DAPK3: variants seen among roughly 807,000 people sequenced by gnomAD.
DAPK3 encodes the protein death-associated protein kinase 3.
Under a neutral mutation model 30.6 loss-of-function variants are expected in DAPK3, and 24 were observed. That is an observed-to-expected ratio of 0.78 (90% CI 0.57 to 1.10). The LOEUF is 1.10. Among genes scored for constraint, DAPK3 ranks in the 50% least tolerant of loss-of-function variants. DAPK3 has a pLI of 0.00. For missense variants in DAPK3, 629 were observed against 657.3 expected, an observed-to-expected ratio of 0.96 and a Z score of 0.47; for synonymous variants, 341 against 284.0, an observed-to-expected ratio of 1.20 and a Z score of -2.02.
At chr19:3,964,130 G>A (rs2145335474) in intron 4 of DAPK3, 114 bp downstream of exon 4, 2 of 999,310 alleles carry the variant, frequency 2.0e-6, no homozygotes, top group African/African-American at 3.2e-5. Flanking sequence ...CAAGAGGGGT[G>A]GCTTCAGGGC....
Position 3,961,705 on chromosome 19 carries a change from G to A in DAPK3, c.630-544C>T, listed in dbSNP as rs574072687. 37 of 354,532 alleles carry A rather than the reference G, an allele frequency of 1.0e-4. No individual in the cohort carries two copies. In the East Asian group the frequency reaches 1.6e-3, roughly 15 times the overall value. The allele number at this position is 354,532 out of a possible 1,614,324, so 22.0% of individuals were successfully genotyped here. A position where few individuals can be genotyped will look rare whatever the true frequency, so the allele number is the denominator to read the frequency against. On this transcript the variant is annotated intron_variant, in intron 6 of 8. Coordinates refer to ENST00000545797, the MANE Select transcript of DAPK3 (RefSeq NM_001348.3). ...ACGCCTTCTGCAAAACACCTGACCC[G>A]TGAGCACAAGTCAGGGTCAAGGTCA...
chr19:3,960,874 A>G, intron 7 of DAPK3, 135 bp downstream of exon 7: 1 of 830,852 alleles, frequency 1.2e-6, no homozygotes, highest in African/African-American at 1.7e-5. Flanking sequence ...TACTCTCTCC[A>G]GCCCAAGGGG....
chr19:3,960,048 T>G lies in DAPK3; in HGVS notation c.828+11A>C, dbSNP rs1380209357. The stretch of plus-strand genomic sequence containing the variant: ...GGGAAGCCCAGGGAGCTCCCCCACC[T>G]CCCCACTTACCTTAATCCAGGAATG... On this transcript the variant is annotated intron_variant, in intron 8 of 8. Coordinates refer to ENST00000545797, the MANE Select transcript of DAPK3 (RefSeq NM_001348.3). 6.8e-7 allele frequency: 1 copy of G among 1,477,516 alleles called. No individual in the cohort carries two copies. The highest frequency in any genetic ancestry group is 9.5e-7 in the Non-Finnish European group (1 of 1,056,406). The allele number at this position is 1,477,516 out of a possible 1,614,324, so 91.5% of individuals were successfully genotyped here.
chr19:3,962,001 G>A (rs2039521972), intron 6 of DAPK3, among the ~76,000 whole-genome samples: 1 of 152,186 alleles, frequency 6.6e-6, no homozygotes, highest in Non-Finnish European at 1.5e-5. Context: ...TGGGACTACA[G>A]GCACCCGCTG....
intron 7 of DAPK3, 141 bp downstream of exon 7, chr19:3,960,868 C>A: frequency 3.0e-6 from 2 of 675,156 alleles, no homozygotes; most frequent in Non-Finnish European, 4.7e-6. Context: ...TCAGTTTACT[C>A]TCTCCAGCCC....
At chr19:3,969,425 C>A (rs746198334) in intron 2 of DAPK3, among the ~76,000 whole-genome samples, 43 of 152,138 alleles carry the variant, frequency 2.8e-4, no homozygotes, top group Non-Finnish European at 4.0e-4. Context: ...ATGCCAGGCA[C>A]GGTCTTGGCT....
intron 8 of DAPK3, 131 bp downstream of exon 8, chr19:3,959,928 C>T: frequency 2.7e-6 from 2 of 737,500 alleles, no homozygotes; most frequent in Non-Finnish European, 2.4e-6. Flanking sequence ...CACAGGCTCA[C>T]TCCTCTGGGG....
rs756397002 is a variant in DAPK3 at position 3,959,200 on chromosome 19, C to G, written c.1266G>C (p.Ala422=). 1.3e-6 allele frequency: 2 copies of G among 1,598,868 alleles called. No individual in the cohort carries two copies. Among genetic ancestry groups the G allele is most frequent in the Non-Finnish European group, 1.7e-6 (2 of 1,177,186 alleles). Residue 422 remains alanine, a synonymous_variant, in exon 9 of 9, where the codon GCG becomes GCC. Coordinates refer to ENST00000545797, the MANE Select transcript of DAPK3 (RefSeq NM_001348.3). ...TCTCGGAGGCTACTTGCTTGGCCAG[C>G]GCCTCGTAGCGGTTCTCCAGGCGGC... The part of the protein sequence containing the change: ...RFSRLENRYE[A]LAKQVASEMR...
intron 2 of DAPK3, 24 bp from the exon 3 acceptor site, chr19:3,965,015 TGGGGGTGGA>T: frequency 7.3e-7 from 1 of 1,367,538 alleles, no homozygotes; most frequent in Non-Finnish European, 1.0e-6. Flanking sequence ...AGGGAGTGAG[TGGGGGTGGA>T]GGAGGCGGAG....
In DAPK3 at chr19:3,958,979, C is replaced by A. The variant is rs2039470165; in HGVS notation, c.*122G>T. 1.5e-6 allele frequency: 1 copy of A among 664,272 alleles called. No homozygotes were observed. Among genetic ancestry groups the A allele is most frequent in the Non-Finnish European group, 2.5e-6 (1 of 403,734 alleles). 41.1% of individuals were successfully genotyped at this position (664,272 alleles called of 1,614,324 possible). A position where few individuals can be genotyped will look rare whatever the true frequency, so the allele number is the denominator to read the frequency against. Reference sequence around the variant, plus strand: ...GGCTCCAGCTCCTCCCACTCCGCCTCCAGCCTGGTGGCGCTGGGCAAGGAC... The same window carrying A: ...GGCTCCAGCTCCTCCCACTCCGCCTACAGCCTGGTGGCGCTGGGCAAGGAC... On this transcript the variant is annotated 3_prime_UTR_variant, in exon 9 of 9. Coordinates refer to ENST00000545797, the MANE Select transcript of DAPK3 (RefSeq NM_001348.3).
chr19:3,959,282 G>C lies in DAPK3; in HGVS notation c.1184C>G (p.Ala395Gly), dbSNP rs1398529210. The C allele has an allele frequency of 1.9e-6, 3 of 1,596,856 alleles. No homozygotes were observed. The highest frequency in any genetic ancestry group is 1.7e-5 in the Admixed American group (1 of 59,606). The change falls in exon 9 of 9, where the codon GCG becomes GGG. Residue 395 changes from alanine to glycine, a missense_variant. Transcript: ENST00000545797. The stretch of plus-strand genomic sequence containing the variant: ...CAGCGCGCCCTTGGCCTCCTCCTGC[G>C]CCTGCCGCTTGAGCGCCTCGGTCTT... Reference protein sequence around the residue: ...LLKTEALKRQAQEEAKGALLG... With the variant: ...LLKTEALKRQGQEEAKGALLG...
In DAPK3 at chr19:3,959,435, C is replaced by T. The variant is rs900684606; in HGVS notation, c.1031G>A (p.Arg344His). Residue 344 changes from arginine to histidine, a missense_variant, in exon 9 of 9, where the codon CGC (arginine) becomes CAC (histidine). Around this residue, in one of 2 missense-constraint regions of DAPK3, gnomAD observed 323 missense variants for 278.8 expected, o/e 1.16. Transcript: ENST00000545797. Reference protein sequence around the residue: ...AAEEGLRELQRSRRLCHEDVE... With the variant: ...AAEEGLRELQHSRRLCHEDVE... Reference sequence around the variant, plus strand: ...GTCCTCGTGGCAGAGCCGCCGGCTGCGCTGCAGCTCGCGCAGGCCCTCCTC... The same window carrying T: ...GTCCTCGTGGCAGAGCCGCCGGCTGTGCTGCAGCTCGCGCAGGCCCTCCTC... 1.3e-6 allele frequency: 2 copies of T among 1,549,262 alleles called. No individual in the cohort carries two copies. Among genetic ancestry groups the T allele is most frequent in the East Asian group, 2.4e-5 (1 of 42,170 alleles).
chr19:3,962,551 G>T lies in DAPK3; in HGVS notation c.629+1092C>A, dbSNP rs376573127. On this transcript the variant is annotated intron_variant, in intron 6 of 8. Transcript: ENST00000545797. Reference sequence around the variant, plus strand: ...AGCATTCTGGGAGGCCAAGGCGGCCGGATCACTTGAGGTCTGGAGTTCAAG... The same window carrying T: ...AGCATTCTGGGAGGCCAAGGCGGCCTGATCACTTGAGGTCTGGAGTTCAAG... 7.2e-5 allele frequency among the ~76,000 whole-genome samples: 11 copies of T among 151,992 alleles called. No homozygotes were observed. The East Asian group carries it at 1.9e-3, about 27-fold the overall frequency.
chr19:3,963,791 C>A, intron 5 of DAPK3, 80 bp downstream of exon 5: 1 of 1,230,868 alleles, frequency 8.1e-7, no homozygotes, highest in Non-Finnish European at 1.2e-6. Context: ...GCAGCAAGGC[C>A]CCGCTTCATC....
chr19:3,963,625 C>A lies in DAPK3; in HGVS notation c.629+18G>T. 1 of 1,495,056 alleles carries A rather than the reference C, an allele frequency of 6.7e-7. No individual in the cohort carries two copies. Among genetic ancestry groups the A allele is most frequent in the Non-Finnish European group, 8.9e-7 (1 of 1,117,856 alleles). 92.6% of individuals were successfully genotyped at this position (1,495,056 alleles called of 1,614,324 possible). On this transcript the variant is annotated intron_variant, in intron 6 of 8. Transcript: ENST00000545797. Reference sequence around the variant, plus strand: ...CAGCTGTGTTGCACAGCCGAGGGGGCCCCCGCCAGGTACTCACAGGATATA... The same window carrying A: ...CAGCTGTGTTGCACAGCCGAGGGGGACCCCGCCAGGTACTCACAGGATATA...
At chr19:3,962,265 G>A (rs1056367622) in intron 6 of DAPK3, among the ~76,000 whole-genome samples, 3 of 152,250 alleles carry the variant, frequency 2.0e-5, no homozygotes, top group Non-Finnish European at 4.4e-5. Context: ...TGCAGGGGGC[G>A]TCTGTGCTGT....
At position 3,959,030 on chromosome 19, in the gene DAPK3, G is replaced by C; in HGVS notation, c.*71C>G. The C allele has an allele frequency of 1.0e-6, 1 of 992,742 alleles. No individual in the cohort carries two copies. The highest frequency in any genetic ancestry group is 1.4e-6 in the Non-Finnish European group (1 of 701,260). The allele number at this position is 992,742 out of a possible 1,614,324, so 61.5% of individuals were successfully genotyped here. On this transcript the variant is annotated 3_prime_UTR_variant, in exon 9 of 9. Transcript: ENST00000545797. ...AGGCACCCGGGCGATGGGAGGCGCAGCGTCCACAGGAAGCGCCCCCACCGC... is the reference window on the plus strand; with the variant it reads ...AGGCACCCGGGCGATGGGAGGCGCACCGTCCACAGGAAGCGCCCCCACCGC...
At position 3,964,818 on chromosome 19, in the gene DAPK3, A is replaced by T. The variant is rs1158244034; in HGVS notation, c.236T>A (p.Leu79Gln). 3 of 1,612,958 alleles carry T rather than the reference A, an allele frequency of 1.9e-6. No individual in the cohort carries two copies. Among genetic ancestry groups the T allele is most frequent in the African/African-American group, 1.3e-5 (1 of 74,946 alleles). ...CGTCTTGTTCTCGAAGATGTCGTGC[A>T]GGGTGATGATGTTGGGGTGCCGGAT... ...REIRHPNIIT[L>Q]HDIFENKTDV... Residue 79 changes from leucine (L) to glutamine (Q), a missense_variant, in exon 3 of 9, where the codon CTG becomes CAG. Physicochemically the swap from Leu to Gln is moderately radical, Grantham distance 113. Transcript: ENST00000545797.
At chr19:3,970,083 TA>T (rs2039618611) in intron 1 of DAPK3, 1 of 323,552 alleles carries the variant, frequency 3.1e-6, no homozygotes, top group Non-Finnish European at 5.7e-6. Flanking sequence ...TCCAGACACA[TA>T]ATTCTGATTT....
Sources: allele counts gnomAD v4.1 joint callset (sites outside exome capture counted in the v4.1 genomes callset), GRCh38; gene constraint gnomAD v4.1.1; regional missense constraint gnomAD v4.1.1; transcripts MANE v1.5; gene names NCBI Gene and HGNC (gene_info 2026-07-23, HGNC 2026-07-21).